The following PCDH11X variants were observed in gnomAD, a reference collection of about 807,000 sequenced individuals.
PCDH11X encodes protocadherin 11 X-linked.
A neutral mutation model predicts 53.3 loss-of-function variants in PCDH11X; 18 were observed. The observed-to-expected ratio is 0.34, with a 90% CI of 0.23 to 0.50. The LOEUF (loss-of-function observed/expected upper bound fraction) is 0.50, where lower values mean the gene tolerates loss of function less well. Ranked by LOEUF, PCDH11X falls within the 20% of genes least tolerant of loss-of-function variation. PCDH11X has a pLI of 0.98. For synonymous variants in PCDH11X, 279 were observed against 393.3 expected (o/e 0.71, Z 3.44); for missense variants, 570 against 1,032.4 (o/e 0.55, Z 6.14).
At chrX:92,119,912 T>C (rs1021459716) in intron 6 of PCDH11X, among the ~76,000 whole-genome samples, 1 of 110,411 alleles carries the variant, frequency 9.1e-6, no homozygotes, top group Non-Finnish European at 1.9e-5. Context: ...GGTCTACCTG[T>C]ACTTTTTGAG....
At chrX:92,265,377 G>A (rs12014732) in intron 8 of PCDH11X, among the ~76,000 whole-genome samples, 8,114 of 110,536 alleles carry the variant, frequency 0.073, 510 homozygotes, top group East Asian at 0.28. Flanking sequence ...ATGTCAAGCC[G>A]AGCTCAGGGG....
rs746375916 is a variant in PCDH11X, at chrX:92,368,876, G to A, written c.3145-18859G>A. Among the ~76,000 whole-genome samples, 236 of 109,761 alleles carry A rather than the reference G, an allele frequency of 2.2e-3. 1 individual carries two copies. Among genetic ancestry groups the A allele is most frequent in the Middle Eastern group, 4.6e-3 (1 of 216 alleles). On this transcript the variant is annotated intron_variant, in intron 8 of 10. Transcript: ENST00000682573. ...GCCTGCTCCTTCCTCTGGAAGCTTC[G>A]TCCCAGAGGGGCACCAGCCTGATGC...
intron 6 of PCDH11X, chrX:91,983,082 G>A: frequency 2.6e-6 from 3 of 1,146,073 alleles, no homozygotes; most frequent in Admixed American, 2.2e-5. Flanking sequence ...CAGCACCAGA[G>A]CAGCCCGGAT....
intron 6 of PCDH11X, among the ~76,000 whole-genome samples, chrX:92,124,279 G>T (rs1056201138): frequency 9.0e-6 from 1 of 110,872 alleles, no homozygotes; most frequent in Non-Finnish European, 1.9e-5. Context: ...AGGTGTGGTG[G>T]CTCACACTTG....
At chrX:92,017,566 G>C (rs1374384192) in intron 6 of PCDH11X, among the ~76,000 whole-genome samples, 1 of 106,438 alleles carries the variant, frequency 9.4e-6, no homozygotes, top group Admixed American at 1.0e-4. Context: ...CTGCCGTAGC[G>C]CATGTTTGTA....
chrX:91,881,486 G>A (rs1040465141), intron 6 of PCDH11X, among the ~76,000 whole-genome samples: 2 of 111,431 alleles, frequency 1.8e-5, no homozygotes, highest in African/African-American at 3.2e-5. Flanking sequence ...TTGGTTCACA[G>A]TTGTTTCATA....
At chrX:92,009,842 A>G (rs979369067) in intron 6 of PCDH11X, among the ~76,000 whole-genome samples, 2 of 107,649 alleles carry the variant, frequency 1.9e-5, no homozygotes, top group African/African-American at 6.8e-5. Flanking sequence ...AGCTGGGATT[A>G]TAGGTATGCA....
At chrX:92,068,769 A>G (rs912270734) in intron 6 of PCDH11X, among the ~76,000 whole-genome samples, 12 of 110,424 alleles carry the variant, frequency 1.1e-4, no homozygotes, top group African/African-American at 3.6e-4. Context: ...TGAACTCCTG[A>G]CCTCAAGTGA....
At chrX:92,403,573 C>A (rs1459891107) in intron 9 of PCDH11X, among the ~76,000 whole-genome samples, 1 of 110,109 alleles carries the variant, frequency 9.1e-6, no homozygotes, top group African/African-American at 3.3e-5. Flanking sequence ...AAACAGAAAT[C>A]AGCATGGAGC....
At chrX:92,539,455 A>C (rs897212281) in intron 10 of PCDH11X, among the ~76,000 whole-genome samples, 2 of 111,116 alleles carry the variant, frequency 1.8e-5, no homozygotes, top group African/African-American at 6.5e-5. Flanking sequence ...AAATTATTTC[A>C]ATCTCTTTGT....
intron 6 of PCDH11X, among the ~76,000 whole-genome samples, chrX:91,930,677 T>G (rs1345529709): frequency 9.4e-6 from 1 of 105,930 alleles, no homozygotes; most frequent in Non-Finnish European, 1.9e-5. Context: ...ACAGAGCTGG[T>G]AGCCCTGTCA....
Position 92,263,222 on chromosome X carries a change from G to A in PCDH11X, c.3144+79G>A, listed in dbSNP as rs897178001. On this transcript the variant is annotated intron_variant, in intron 8 of 10. Coordinates refer to ENST00000682573, the MANE Select transcript of PCDH11X (RefSeq NM_032968.5). ...TGTGAAGCTACAGTAGTTAGTCCATGGAGTTAAAACTGTAAGTACTTAGGA... is the reference window on the plus strand; with the variant it reads ...TGTGAAGCTACAGTAGTTAGTCCATAGAGTTAAAACTGTAAGTACTTAGGA... The A allele has an allele frequency of 3.4e-6, 3 of 876,475 alleles. No homozygotes were observed. In the East Asian group the frequency reaches 1.1e-4, roughly 31 times the overall value. The allele number at this position is 876,475 out of a possible 1,213,427, so 72.2% of individuals were successfully genotyped here.
intron 6 of PCDH11X, among the ~76,000 whole-genome samples, chrX:91,922,510 C>T (rs1425829653): frequency 9.0e-6 from 1 of 111,680 alleles, no homozygotes; most frequent in Non-Finnish European, 1.9e-5. Context: ...AGGTCAGTGG[C>T]GGGCAAAGAA....
At position 92,219,824 on chromosome X, in the gene PCDH11X, A is replaced by T. The variant is rs1160116965; in HGVS notation, c.3114+18369A>T. 4.5e-4 allele frequency among the ~76,000 whole-genome samples: 32 copies of T among 71,674 alleles called. 1 individual carries two copies. Among genetic ancestry groups the T allele is most frequent in the African/African-American group, 1.5e-3 (31 of 20,269 alleles). The allele number at this position is 71,674 out of a possible 115,157, so 62.2% of individuals were successfully genotyped here. On this transcript the variant is annotated intron_variant, in intron 7 of 10. Transcript: ENST00000682573. ...ACTACAAGACTACAGTAACCAAAAC[A>T]GCATGGTACTGGTACAAAAACAGAG... is the stretch of plus-strand genomic sequence containing the variant.
Position 91,911,559 on chromosome X carries a change from T to A in PCDH11X, c.3033+32286T>A, listed in dbSNP as rs766423787. On this transcript the variant is annotated intron_variant, in intron 6 of 10. Coordinates refer to ENST00000682573, the MANE Select transcript of PCDH11X (RefSeq NM_032968.5). ...GCTATCAAGTACTACATCTTATTCA[T>A]TCTTTCTGACTATATTTTTGTGTCC... is the stretch of plus-strand genomic sequence containing the variant. Among the ~76,000 whole-genome samples the A allele has an allele frequency of 6.6e-3, 720 of 108,406 alleles. 4 individuals are homozygous for A. The highest frequency in any genetic ancestry group is 0.019 in the Middle Eastern group (4 of 213). 94.1% of individuals were successfully genotyped at this position (108,406 alleles called of 115,157 possible). A position where few individuals can be genotyped will look rare whatever the true frequency, so the allele number is the denominator to read the frequency against.
intron 6 of PCDH11X, among the ~76,000 whole-genome samples, chrX:91,997,772 G>T (rs1339199069): frequency 9.0e-6 from 1 of 111,295 alleles, no homozygotes; most frequent in Admixed American, 9.6e-5. Flanking sequence ...GTTTTTAAAA[G>T]AGTTTGTGAG....
chrX:92,215,018 A>C (rs1296013510), intron 7 of PCDH11X, among the ~76,000 whole-genome samples: 1 of 111,854 alleles, frequency 8.9e-6, no homozygotes, highest in Non-Finnish European at 1.9e-5. Flanking sequence ...ACTGCACTCT[A>C]GCCCCGGCGA....
chrX:92,128,231 T>C (rs942391829), intron 6 of PCDH11X, among the ~76,000 whole-genome samples: 1 of 105,353 alleles, frequency 9.5e-6, no homozygotes, highest in African/African-American at 3.3e-5. Flanking sequence ...AAAGAGAAAA[T>C]AAATAATTGA....
At chrX:91,925,057 C>T (rs1417139057) in intron 6 of PCDH11X, among the ~76,000 whole-genome samples, 2 of 109,516 alleles carry the variant, frequency 1.8e-5, no homozygotes, top group South Asian at 7.9e-4. Flanking sequence ...ACTAGGCAAA[C>T]ATTATAAACA....
Sources: allele counts gnomAD v4.1 joint callset (sites outside exome capture counted in the v4.1 genomes callset), GRCh38; gene constraint gnomAD v4.1.1; transcripts MANE v1.5; gene names NCBI Gene and HGNC (gene_info 2026-07-23, HGNC 2026-07-21).